The following ADGRB3 variants were observed in gnomAD, a reference collection of about 807,000 sequenced individuals.
ADGRB3 encodes the protein adhesion G protein-coupled receptor B3.
Under a neutral mutation model 193.4 loss-of-function variants are expected in ADGRB3, and 37 were observed. The observed-to-expected ratio is 0.19, with a 90% confidence interval of 0.15 to 0.25. ADGRB3 has a LOEUF of 0.25. ADGRB3 is among the 10% of genes least tolerant of loss of function. The pLI is 1.00. For missense variants in ADGRB3, 1,637 were observed against 1,852.9 expected, an observed-to-expected ratio of 0.88 and a Z score of 2.14; for synonymous variants, 690 against 644.2, an observed-to-expected ratio of 1.07 and a Z score of -1.08.
At chr6:68,986,112 A>G (rs1582372867) in intron 10 of ADGRB3, among the ~76,000 whole-genome samples, 1 of 152,178 alleles carries the variant, frequency 6.6e-6, no homozygotes, top group African/African-American at 2.4e-5. Context: ...TATATTGGAT[A>G]GGCAAATTTA....
intron 3 of ADGRB3, among the ~76,000 whole-genome samples, chr6:68,871,806 G>A (rs556264617): frequency 6.6e-6 from 1 of 152,020 alleles, no homozygotes; most frequent in Admixed American, 6.6e-5. Context: ...ATTAATGAGG[G>A]TAATAATTTA....
At chr6:68,860,571 CT>C (rs1300732529) in intron 3 of ADGRB3, among the ~76,000 whole-genome samples, 8 of 152,284 alleles carry the variant, frequency 5.3e-5, no homozygotes, top group Admixed American at 5.2e-4. Context: ...TGATTTCATT[CT>C]TTTTTATGGC....
intron 6 of ADGRB3, among the ~76,000 whole-genome samples, chr6:68,950,309 T>C (rs1434511546): frequency 1.3e-5 from 2 of 152,268 alleles, no homozygotes; most frequent in East Asian, 3.9e-4. Context: ...GTGCTTCTGA[T>C]GAGAAAGAAG....
At chr6:68,889,149 A>G (rs1766001114) in intron 3 of ADGRB3, among the ~76,000 whole-genome samples, 2 of 152,252 alleles carry the variant, frequency 1.3e-5, no homozygotes, top group African/African-American at 4.8e-5. Flanking sequence ...TTTTGTAGAA[A>G]TTTTAAGAAT....
At chr6:68,867,242 C>A (rs749782669) in intron 3 of ADGRB3, among the ~76,000 whole-genome samples, 10 of 152,278 alleles carry the variant, frequency 6.6e-5, no homozygotes, top group Admixed American at 2.6e-4. Context: ...TGGCACCCTG[C>A]ATCCTAGCTG....
intron 10 of ADGRB3, among the ~76,000 whole-genome samples, chr6:68,987,625 C>T (rs1432570074): frequency 4.6e-5 from 7 of 152,080 alleles, no homozygotes; most frequent in Admixed American, 4.6e-4. Flanking sequence ...TAGTTAAGCA[C>T]ATGAACTAAG....
chr6:69,050,894 A>C (rs1771373886), intron 15 of ADGRB3, among the ~76,000 whole-genome samples: 2 of 152,148 alleles, frequency 1.3e-5, no homozygotes, highest in South Asian at 4.1e-4. Flanking sequence ...ATTCAACATA[A>C]ATTTTTTAGA....
chr6:68,945,414 TTCTC>T (rs1313261061), intron 6 of ADGRB3, among the ~76,000 whole-genome samples: 15 of 152,222 alleles, frequency 9.9e-5, no homozygotes, highest in Middle Eastern at 3.4e-3. Context: ...TCTGTCTTAT[TTCTC>T]TCTCTATAAA....
intron 17 of ADGRB3, among the ~76,000 whole-genome samples, chr6:69,162,145 A>C (rs1489909914): frequency 6.6e-6 from 1 of 152,116 alleles, no homozygotes; most frequent in Admixed American, 6.6e-5. Context: ...CATGCTATAA[A>C]AAATTTTGAC....
chr6:68,703,377 T>C (rs901449588), intron 3 of ADGRB3, among the ~76,000 whole-genome samples: 1 of 152,154 alleles, frequency 6.6e-6, no homozygotes, highest in African/African-American at 2.4e-5. Context: ...CAAAGAAGTA[T>C]AATTTTGAAA....
chr6:68,745,642 G>A lies in ADGRB3; in HGVS notation c.757+106210G>A, dbSNP rs570753965. Reference sequence around the variant, plus strand: ...TGATCTTCATGAATTATATATATATGTCATATATGTAATCTTATTTATTTT... The same window carrying A: ...TGATCTTCATGAATTATATATATATATCATATATGTAATCTTATTTATTTT... On this transcript the variant is annotated intron_variant, in intron 3 of 31. Coordinates refer to ENST00000370598, the MANE Select transcript of ADGRB3 (RefSeq NM_001704.3). Among the ~76,000 whole-genome samples, 194 of 151,772 alleles carry A rather than the reference G, an allele frequency of 1.3e-3. 2 individuals carry two copies. The highest frequency in any genetic ancestry group is 4.4e-3 in the African/African-American group (181 of 41,410).
At position 69,324,912 on chromosome 6, in the gene ADGRB3, T is replaced by C. The variant is rs1191967452; in HGVS notation, c.2855T>C (p.Phe952Ser). Reference sequence around the variant, plus strand: ...ACCACTGCATTTTTGCACTTTTTCTTCCTGGCTTCATTCTGTTGGGTTTTG... The same window carrying C: ...ACCACTGCATTTTTGCACTTTTTCTCCCTGGCTTCATTCTGTTGGGTTTTG... ...TTTTAFLHFF[F>S]LASFCWVLTE... Residue 952 changes from phenylalanine (F) to serine (S), a missense_variant, in exon 21 of 32, where the codon TTC becomes TCC. Phe to Ser is a radical substitution (Grantham distance 155, BLOSUM62 -2). Around this residue, in one of 7 missense-constraint regions of ADGRB3, gnomAD observed 87 missense variants for 161.0 expected, o/e 0.54. Transcript: ENST00000370598. The C allele has an allele frequency of 6.2e-7, 1 of 1,613,984 alleles. No homozygotes were observed. The highest frequency in any genetic ancestry group is 8.5e-7 in the Non-Finnish European group (1 of 1,179,902).
intron 10 of ADGRB3, 121 bp from the exon 11 acceptor site, chr6:68,993,647 C>A: frequency 2.0e-6 from 2 of 1,006,992 alleles, no homozygotes; most frequent in Non-Finnish European, 1.5e-6. Context: ...CAAATCCTCC[C>A]AAGCATTGCA....
intron 17 of ADGRB3, among the ~76,000 whole-genome samples, chr6:69,170,858 G>A (rs1775253889): frequency 6.6e-6 from 1 of 152,128 alleles, no homozygotes; most frequent in Non-Finnish European, 1.5e-5. Context: ...TTTGCTTGAA[G>A]GTAGATGAAC....
intron 3 of ADGRB3, among the ~76,000 whole-genome samples, chr6:68,844,319 C>T (rs973632084): frequency 1.3e-5 from 2 of 151,754 alleles, no homozygotes; most frequent in Non-Finnish European, 2.9e-5. Flanking sequence ...TCAAACAACT[C>T]TATAAGAAAA....
chr6:68,718,704 G>A (rs1049624083), intron 3 of ADGRB3, among the ~76,000 whole-genome samples: 4 of 151,670 alleles, frequency 2.6e-5, no homozygotes, highest in African/African-American at 9.7e-5. Context: ...GACTTTGCAC[G>A]TACAGCATTT....
chr6:68,984,189 G>T (rs1490424033), intron 10 of ADGRB3, among the ~76,000 whole-genome samples: 5 of 152,160 alleles, frequency 3.3e-5, no homozygotes, highest in Non-Finnish European at 7.4e-5. Context: ...ATTAAAGAGG[G>T]TCATATGAGG....
rs1439482815 is a variant in ADGRB3, at chr6:69,031,084, CTCT to C, written c.2107+12589_2107+12591del. 1.2e-3 allele frequency among the ~76,000 whole-genome samples: 86 copies of C among 70,768 alleles called. 6 individuals carry two copies. The highest frequency in any genetic ancestry group is 2.4e-3 in the Admixed American group (17 of 7,188). The allele number at this position is 70,768 out of a possible 152,430, so 46.4% of individuals were successfully genotyped here. A position where few individuals can be genotyped will look rare whatever the true frequency, so the allele number is the denominator to read the frequency against. Reference sequence around the variant, plus strand: ...CTCTTCTCTTCTCTTCTCTTCTCTTCTCTTCTCTTCTCTTCTCTTCTCTTCTCT... The same window carrying C: ...CTCTTCTCTTCTCTTCTCTTCTCTTCTCTCTTCTCTTCTCTTCTCTTCTCT... On this transcript the variant is annotated intron_variant, in intron 13 of 31. Coordinates refer to ENST00000370598, the MANE Select transcript of ADGRB3 (RefSeq NM_001704.3).
Position 68,760,198 on chromosome 6 carries a change from A to G in ADGRB3, c.757+120766A>G, listed in dbSNP as rs73745854. 7.9e-3 allele frequency among the ~76,000 whole-genome samples: 1,196 copies of G among 152,326 alleles called. 13 individuals carry two copies. The highest frequency in any genetic ancestry group is 0.026 in the African/African-American group (1,093 of 41,586). On this transcript the variant is annotated intron_variant, in intron 3 of 31. Coordinates refer to ENST00000370598, the MANE Select transcript of ADGRB3 (RefSeq NM_001704.3). ...TGCAAATGATGGTAGTTCCTTATGC[A>G]ATCAAAGATGGAGGTAAACATTTAG...
Sources: gnomAD v4.1 joint callset for allele counts (sites outside exome capture counted in the v4.1 genomes callset) on GRCh38, gnomAD v4.1.1 for gene constraint, gnomAD v4.1.1 regional missense constraint, MANE v1.5 for transcripts, NCBI Gene and HGNC (gene_info 2026-07-23, HGNC 2026-07-21) for gene names.